Variants in LBP observed in about 807,000 individuals in gnomAD.
LBP encodes lipopolysaccharide-binding protein.
Under a neutral mutation model 56.6 loss-of-function variants are expected in LBP, and 53 were observed. The ratio of observed to expected loss-of-function variants is 0.94; its 90% CI spans 0.75 to 1.18. The LOEUF (loss-of-function observed/expected upper bound fraction) is 1.18, where lower values mean the gene tolerates loss of function less well. Among genes scored for constraint, LBP ranks in the 50% most tolerant of loss-of-function variants. The pLI is 0.00. For missense variants in LBP, 601 were observed against 598.3 expected (o/e 1.00, Z -0.05); for synonymous variants, 227 against 247.5 (o/e 0.92, Z 0.78).
intron 2 of LBP, among the ~76,000 whole-genome samples, chr20:38,350,231 G>A (rs777967776): frequency 5.3e-5 from 8 of 152,176 alleles, no homozygotes; most frequent in East Asian, 1.9e-4. Context: ...GCTGTTGGGC[G>A]TTTCCTTCAT....
At chr20:38,347,722 T>C (rs1568825701) in intron 1 of LBP, among the ~76,000 whole-genome samples, 3 of 152,098 alleles carry the variant, frequency 2.0e-5, no homozygotes, top group Admixed American at 6.6e-5. Flanking sequence ...TTCTGTCCTG[T>C]TGCATGTACC....
chr20:38,370,651 G>A lies in LBP; in HGVS notation c.1150-87G>A, dbSNP rs5744215. 1,119 of 1,196,286 alleles carry A rather than the reference G, an allele frequency of 9.4e-4. 11 individuals are homozygous for A. In the East Asian group the frequency reaches 0.015, roughly 17 times the overall value. The allele number at this position is 1,196,286 out of a possible 1,614,324, so 74.1% of individuals were successfully genotyped here. A position where few individuals can be genotyped will look rare whatever the true frequency, so the allele number is the denominator to read the frequency against. On this transcript the variant is annotated intron_variant, in intron 10 of 14. Transcript: ENST00000217407. Reference sequence around the variant, plus strand: ...TTTAGCTCATTGAGCTGTTTGTTGAGAGGAGACAGTTGGTCCCTCGTCATC... The same window carrying A: ...TTTAGCTCATTGAGCTGTTTGTTGAAAGGAGACAGTTGGTCCCTCGTCATC...
chr20:38,363,937 T>C, intron 6 of LBP, 38 bp from the exon 7 acceptor site: 1 of 1,452,710 alleles, frequency 6.9e-7, no homozygotes, highest in Non-Finnish European at 9.7e-7. Flanking sequence ...GCTGAAAGTG[T>C]CATCTGGCCC....
At chr20:38,372,945 A>G in intron 12 of LBP, 127 bp from the exon 13 acceptor site, 1 of 774,684 alleles carries the variant, frequency 1.3e-6, no homozygotes, top group Non-Finnish European at 2.1e-6. Context: ...AAAGAGTTTT[A>G]TCTTATAAAA....
intron 14 of LBP, 152 bp from the exon 15 acceptor site, chr20:38,376,473 T>G: frequency 4.2e-6 from 3 of 722,296 alleles, no homozygotes; most frequent in Non-Finnish European, 5.0e-6. Context: ...TACGGAGAGC[T>G]TGGGGACTGA....
intron 3 of LBP, among the ~76,000 whole-genome samples, chr20:38,352,581 C>A (rs2076824178): frequency 6.6e-6 from 1 of 152,084 alleles, no homozygotes; most frequent in African/African-American, 2.4e-5. Flanking sequence ...ATGGTGAAAC[C>A]CCATCTCTAC....
chr20:38,360,746 C>A lies in LBP; in HGVS notation c.631C>A (p.Pro211Thr). 2 of 1,612,778 alleles carry A rather than the reference C, an allele frequency of 1.2e-6. No individual in the cohort carries two copies. The highest frequency in any genetic ancestry group is 1.7e-6 in the Non-Finnish European group (2 of 1,178,856). Reference sequence around the variant, plus strand: ...GAAATCAGTGTCCTCCGATCTACAGCCTTATCTCCAAACTCTGCCAGGTAG... The same window carrying A: ...GAAATCAGTGTCCTCCGATCTACAGACTTATCTCCAAACTCTGCCAGGTAG... ...IQKSVSSDLQ[P>T]YLQTLPVTTE... The change falls in exon 6 of 15, where the codon CCT (proline) becomes ACT (threonine). Residue 211 changes from proline (P) to threonine (T), a missense_variant. Physicochemically the swap from Pro to Thr is conservative, Grantham distance 38. Coordinates refer to ENST00000217407, the MANE Select transcript of LBP (RefSeq NM_004139.5).
At chr20:38,369,653 G>T (rs1328887899) in intron 10 of LBP, among the ~76,000 whole-genome samples, 1 of 152,146 alleles carries the variant, frequency 6.6e-6, no homozygotes, top group East Asian at 1.9e-4. Context: ...CACGGCAGAG[G>T]CTCTGGCTGT....
At chr20:38,349,014 C>G (rs1450877634) in intron 1 of LBP, among the ~76,000 whole-genome samples, 2 of 151,474 alleles carry the variant, frequency 1.3e-5, no homozygotes, top group African/African-American at 2.4e-5. Flanking sequence ...AGGCTGGTCT[C>G]GAACTCCTGA....
At chr20:38,354,262 T>C in intron 3 of LBP, 22 bp from the exon 4 acceptor site, 1 of 1,604,636 alleles carries the variant, frequency 6.2e-7, no homozygotes, top group Non-Finnish European at 8.5e-7. Flanking sequence ...GAACTAACCA[T>C]GGCTTCTCTT....
chr20:38,363,004 G>GT (rs2076866846), intron 6 of LBP, among the ~76,000 whole-genome samples: 1 of 152,200 alleles, frequency 6.6e-6, no homozygotes, highest in Non-Finnish European at 1.5e-5. Context: ...GCATGCACCT[G>GT]TAGTGTAGCT....
At chr20:38,363,311 A>G (rs1436516848) in intron 6 of LBP, among the ~76,000 whole-genome samples, 1 of 152,140 alleles carries the variant, frequency 6.6e-6, no homozygotes, top group Non-Finnish European at 1.5e-5. Context: ...GTGTTCCATC[A>G]CATGGATGTG....
chr20:38,362,777 A>G lies in LBP; in HGVS notation c.653-1198A>G, dbSNP rs185844320. 3.6e-3 allele frequency among the ~76,000 whole-genome samples: 541 copies of G among 151,360 alleles called. 2 individuals carry two copies. Among genetic ancestry groups the G allele is most frequent in the African/African-American group, 0.013 (527 of 41,246 alleles). On this transcript the variant is annotated intron_variant, in intron 6 of 14. Coordinates refer to ENST00000217407, the MANE Select transcript of LBP (RefSeq NM_004139.5). The stretch of plus-strand genomic sequence containing the variant: ...AGCCCGGGCAACATAGCGAAACCCC[A>G]TCTCTACAATAAATACAAAAATTAG...
chr20:38,362,053 C>CTTTTTT (rs1229689650), intron 6 of LBP, among the ~76,000 whole-genome samples: 17 of 117,668 alleles, frequency 1.4e-4, no homozygotes, highest in East Asian at 2.5e-4. Flanking sequence ...TTTTTGTTTT[C>CTTTTTT]TTTTTTTTTT....
intron 14 of LBP, among the ~76,000 whole-genome samples, chr20:38,375,290 AT>A (rs1308333570): frequency 1.3e-5 from 2 of 150,012 alleles, no homozygotes; most frequent in East Asian, 2.0e-4. Flanking sequence ...CTTAAAACAA[AT>A]TTTTTTTTAG....
chr20:38,365,723 T>A (rs78200443), intron 8 of LBP, among the ~76,000 whole-genome samples: 62 of 96,766 alleles, frequency 6.4e-4, no homozygotes, highest in African/African-American at 3.0e-3. Flanking sequence ...AAAAAATATA[T>A]ATATATATAT....
intron 8 of LBP, 52 bp from the exon 9 acceptor site, chr20:38,366,717 C>T (rs6092373): frequency 1.3e-6 from 2 of 1,535,994 alleles, no homozygotes; most frequent in African/African-American, 2.7e-5. Context: ...TTCTTTAGAC[C>T]TTCAGCTCCA....
Position 38,354,950 on chromosome 20 carries a change from C to T in LBP, c.525-396C>T, listed in dbSNP as rs1225021281. The stretch of plus-strand genomic sequence containing the variant: ...TACAAAAATTAGCCAGGCATGATGG[C>T]ACATGCCTGTAGTCTCAGCTACTTC... On this transcript the variant is annotated intron_variant, in intron 4 of 14. Transcript: ENST00000217407. 2.0e-5 allele frequency among the ~76,000 whole-genome samples: 3 copies of T among 152,150 alleles called. No homozygotes were observed. The East Asian group carries it at 5.8e-4, about 29-fold the overall frequency.
intron 5 of LBP, among the ~76,000 whole-genome samples, chr20:38,358,544 A>G (rs2076849122): frequency 6.6e-6 from 1 of 152,168 alleles, no homozygotes; most frequent in Non-Finnish European, 1.5e-5. Context: ...CTTGCAATCA[A>G]CCACGAATGT....
Sources: gnomAD v4.1 joint callset for allele counts (sites outside exome capture counted in the v4.1 genomes callset) on GRCh38, gnomAD v4.1.1 for gene constraint, MANE v1.5 for transcripts, NCBI Gene and HGNC (gene_info 2026-07-23, HGNC 2026-07-21) for gene names.